Variants in DHX9 observed in about 807,000 individuals in gnomAD.
The protein encoded by DHX9 is DExH-box helicase 9.
Under a neutral mutation model 148.7 loss-of-function variants are expected in DHX9, and 27 were observed. That is an observed-to-expected ratio of 0.18 (90% CI 0.13 to 0.25). The LOEUF (loss-of-function observed/expected upper bound fraction) is 0.25. DHX9 is among the 10% of genes least tolerant of loss of function. The probability of loss-of-function intolerance (pLI) is 1.00; values close to 1 mark genes in which losing one functional copy is unlikely to be tolerated. For synonymous variants in DHX9, 529 were observed against 516.6 expected (o/e 1.02, Z -0.33); for missense variants, 796 against 1,559.6 (o/e 0.51, Z 8.25).
In DHX9 at chr1:182,857,941, CT is replaced by C. The variant is rs577797071; in HGVS notation, c.674-159del. On this transcript the variant is annotated intron_variant, in intron 7 of 27. Transcript: ENST00000367549. ...TAGTTGATAAGCTGTTTGGCAATTTCTTTTGTTTAGCAGATATTAATAGAAT... is the reference window on the plus strand; with the variant it reads ...TAGTTGATAAGCTGTTTGGCAATTTCTTTGTTTAGCAGATATTAATAGAAT... Among the ~76,000 whole-genome samples, 493 of 152,272 alleles carry C rather than the reference CT, an allele frequency of 3.2e-3. 6 individuals are homozygous for C. Among genetic ancestry groups the C allele is most frequent in the African/African-American group, 0.011 (469 of 41,562 alleles).
intron 14 of DHX9, among the ~76,000 whole-genome samples, chr1:182,871,892 T>TC (rs1648568319): frequency 1.3e-5 from 2 of 152,224 alleles, no homozygotes; most frequent in African/African-American, 4.8e-5. Flanking sequence ...CTGCAGCCTC[T>TC]CCTTCCTGGG....
chr1:182,862,385 C>T (rs545443321), intron 12 of DHX9, among the ~76,000 whole-genome samples: 1 of 152,254 alleles, frequency 6.6e-6, no homozygotes, highest in Non-Finnish European at 1.5e-5. Context: ...CCACTTAAAA[C>T]CTGTGGGCTG....
intron 3 of DHX9, among the ~76,000 whole-genome samples, chr1:182,850,775 AT>A (rs1208979926): frequency 1.3e-5 from 2 of 152,134 alleles, no homozygotes; most frequent in East Asian, 3.8e-4. Flanking sequence ...TTGAAAAAGT[AT>A]TTTCTCACAT....
Position 182,842,552 on chromosome 1 carries a change from G to A in DHX9, c.-15G>A. On this transcript the variant is annotated 5_prime_UTR_variant, in exon 2 of 28. Transcript: ENST00000367549. ...TGACTTTTGTTTTCTTAGATCTGAA[G>A]AAGACACTTGAATCATGGGTGACGT... 6.3e-7 allele frequency: 1 copy of A among 1,597,346 alleles called. No individual in the cohort carries two copies. Among genetic ancestry groups the A allele is most frequent in the Non-Finnish European group, 8.6e-7 (1 of 1,167,356 alleles).
rs1489516275 is a variant in DHX9 at position 182,883,302 on chromosome 1, T to A, written c.3078T>A (p.Ser1026=). The A allele has an allele frequency of 6.2e-7, 1 of 1,614,218 alleles. No individual in the cohort carries two copies. Among genetic ancestry groups the A allele is most frequent in the East Asian group, 2.2e-5 (1 of 44,872 alleles). Residue 1026 remains serine, a synonymous_variant, in exon 25 of 28, where the codon TCT becomes TCA. Transcript: ENST00000367549. ...GTAATGCACTTATCCACAAATCATC[T>A]GTTAATTGTCCTTTTAGTAGCCAAG... ...EGRNALIHKS[S]VNCPFSSQDM...
At chr1:182,876,627 A>C in intron 18 of DHX9, 86 bp downstream of exon 18, 1 of 1,255,592 alleles carries the variant, frequency 8.0e-7, no homozygotes, top group South Asian at 1.3e-5. Context: ...CTACCCAAAA[A>C]ATTGTAACCC....
intron 12 of DHX9, among the ~76,000 whole-genome samples, chr1:182,863,602 G>A (rs1376669045): frequency 1.3e-5 from 2 of 152,086 alleles, no homozygotes; most frequent in African/African-American, 4.8e-5. Context: ...AATTATTGAA[G>A]CACAGAAGAT....
intron 12 of DHX9, among the ~76,000 whole-genome samples, chr1:182,862,927 T>G (rs1420150480): frequency 6.6e-6 from 1 of 152,198 alleles, no homozygotes; most frequent in Non-Finnish European, 1.5e-5. Context: ...CTACTTCAGT[T>G]AAAGCAGACA....
In DHX9 at chr1:182,859,022, TG is replaced by T. The variant is rs1668307202; in HGVS notation, c.1063-16del. On this transcript the variant is annotated splice_polypyrimidine_tract_variant and intron_variant, in intron 10 of 27. Coordinates refer to ENST00000367549, the MANE Select transcript of DHX9 (RefSeq NM_001357.5). Reference sequence around the variant, plus strand: ...ATTATGTGCTTTTGTTTGACTATGTTGGCTTTTTGTTTTACAGGCTACTCCA... The same window carrying T: ...ATTATGTGCTTTTGTTTGACTATGTTGCTTTTTGTTTTACAGGCTACTCCA... 1 of 1,613,410 alleles carries T rather than the reference TG, an allele frequency of 6.2e-7. No homozygotes were observed. The highest frequency in any genetic ancestry group is 1.7e-4 in the Middle Eastern group (1 of 6,056).
Position 182,883,199 on chromosome 1 carries a change from T to C in DHX9, c.2975T>C (p.Ile992Thr). 1.9e-6 allele frequency: 3 copies of C among 1,614,150 alleles called. No homozygotes were observed. Among genetic ancestry groups the C allele is most frequent in the Non-Finnish European group, 2.5e-6 (3 of 1,180,006 alleles). ...TGPDNNLDVV[I>T]SLLAFGVYPN... ...CCAGATAATAATTTGGATGTTGTTA[T>C]CTCCCTCCTGGCCTTTGGTGTGTAC... Residue 992 changes from isoleucine to threonine, a missense_variant, in exon 25 of 28, where the codon ATC (isoleucine) becomes ACC (threonine). By Grantham distance (89) the Ile-to-Thr change is moderately conservative. Around this residue, in one of 14 missense-constraint regions of DHX9, gnomAD observed 122 missense variants for 289.3 expected, o/e 0.42. Coordinates refer to ENST00000367549, the MANE Select transcript of DHX9 (RefSeq NM_001357.5).
intron 14 of DHX9, among the ~76,000 whole-genome samples, chr1:182,867,445 C>CGTGG (rs1648347901): frequency 3.9e-5 from 6 of 152,238 alleles, no homozygotes; most frequent in South Asian, 4.2e-4. Context: ...CTCTGTCACC[C>CGTGG]AGGCTGGAGT....
At chr1:182,840,299 CTTTTTTTT>C (rs572795237) in intron 1 of DHX9, among the ~76,000 whole-genome samples, 3 of 105,552 alleles carry the variant, frequency 2.8e-5, no homozygotes, top group Admixed American at 1.0e-4. Context: ...ATTCTTGCGC[CTTTTTTTT>C]TTTTTTTTTT....
At chr1:182,880,087 C>G (rs1476481685) in intron 21 of DHX9, among the ~76,000 whole-genome samples, 1 of 152,122 alleles carries the variant, frequency 6.6e-6, no homozygotes, top group Non-Finnish European at 1.5e-5. Context: ...GGCATTGGAG[C>G]TAGATCTGAA....
chr1:182,853,271 A>T (rs1668189706), intron 4 of DHX9, 35 bp from the exon 5 acceptor site: 1 of 1,439,560 alleles, frequency 6.9e-7, no homozygotes, highest in African/African-American at 1.4e-5. Context: ...TTCTACAGTT[A>T]TGACTCATTA....
intron 21 of DHX9, among the ~76,000 whole-genome samples, chr1:182,879,723 T>C (rs557446266): frequency 2.0e-5 from 3 of 152,106 alleles, no homozygotes; most frequent in African/African-American, 4.8e-5. Flanking sequence ...ATGAATCTCT[T>C]ACAACTTTTT....
At chr1:182,883,116 T>C (rs1479914323) in intron 24 of DHX9, 23 bp from the exon 25 acceptor site, 1 of 1,571,488 alleles carries the variant, frequency 6.4e-7, no homozygotes, top group South Asian at 1.1e-5. Context: ...TGATTTTTGT[T>C]TTCACTGTGC....
Position 182,887,728 on chromosome 1 carries a change from G to T in DHX9, c.*294G>T, listed in dbSNP as rs1649400727. On this transcript the variant is annotated 3_prime_UTR_variant, in exon 28 of 28. Coordinates refer to ENST00000367549, the MANE Select transcript of DHX9 (RefSeq NM_001357.5). ...TTCCTGGCTTTCGTTTAATACAATA[G>T]AAAATAAAGTATTACACCGAATACT... is the stretch of plus-strand genomic sequence containing the variant. 1 of 320,486 alleles carries T rather than the reference G, an allele frequency of 3.1e-6. No individual in the cohort carries two copies. Among genetic ancestry groups the T allele is most frequent in the African/African-American group, 2.1e-5 (1 of 47,872 alleles). 19.9% of individuals were successfully genotyped at this position (320,486 alleles called of 1,614,324 possible). A position where few individuals can be genotyped will look rare whatever the true frequency, so the allele number is the denominator to read the frequency against.
At chr1:182,867,107 ATGTCTT>A in intron 14 of DHX9, 64 bp downstream of exon 14, 1 of 1,014,850 alleles carries the variant, frequency 9.9e-7, no homozygotes, top group East Asian at 2.9e-5. Flanking sequence ...AATCAGTAGA[ATGTCTT>A]TGTTTTCCCT....
chr1:182,882,938 T>G (rs1474448986), intron 24 of DHX9, among the ~76,000 whole-genome samples: 6 of 152,188 alleles, frequency 3.9e-5, no homozygotes, highest in Non-Finnish European at 7.3e-5. Context: ...ACGTTTTCGT[T>G]TTCTTATTGT....
Sources: gnomAD v4.1 joint callset for allele counts (sites outside exome capture counted in the v4.1 genomes callset) on GRCh38, gnomAD v4.1.1 for gene constraint, gnomAD v4.1.1 regional missense constraint, MANE v1.5 for transcripts, NCBI Gene and HGNC (gene_info 2026-07-23, HGNC 2026-07-21) for gene names.